Variants in SNAP91 observed in about 807,000 individuals in gnomAD.
SNAP91 encodes the protein clathrin coat assembly protein AP180.
In SNAP91, 27 loss-of-function variants were observed where a neutral mutation model predicts 100.3. The ratio of observed to expected loss-of-function variants is 0.27; its 90% CI spans 0.20 to 0.37. The LOEUF is 0.37. Among genes scored for constraint, SNAP91 ranks in the 10% least tolerant of loss-of-function variants. The pLI, the probability that SNAP91 is intolerant of heterozygous loss-of-function variation, is 1.00. For missense variants in SNAP91, 986 were observed against 1,123.7 expected, an observed-to-expected ratio of 0.88 and a Z score of 1.75; for synonymous variants, 404 against 398.6, an observed-to-expected ratio of 1.01 and a Z score of -0.16.
intron 7 of SNAP91, among the ~76,000 whole-genome samples, chr6:83,652,749 C>A (rs934052072): frequency 1.3e-5 from 2 of 152,136 alleles, no homozygotes; most frequent in African/African-American, 4.8e-5. Context: ...CTTCTCCCTA[C>A]AAAACTTCTT....
intron 8 of SNAP91, among the ~76,000 whole-genome samples, chr6:83,625,616 G>A (rs1003203558): frequency 1.3e-5 from 2 of 151,940 alleles, no homozygotes; most frequent in Non-Finnish European, 2.9e-5. Flanking sequence ...GTTTTGATTC[G>A]CATTTCTCTG....
intron 2 of SNAP91, among the ~76,000 whole-genome samples, chr6:83,706,022 GAAATCAT>G (rs2099375751): frequency 6.6e-6 from 1 of 151,996 alleles, no homozygotes; most frequent in Admixed American, 6.6e-5. Flanking sequence ...CCACATCTTA[GAAATCAT>G]ATTGGAAAAC....
chr6:83,567,995 C>T (rs7754172), intron 26 of SNAP91, among the ~76,000 whole-genome samples: 6 of 150,706 alleles, frequency 4.0e-5, no homozygotes, highest in Non-Finnish European at 8.9e-5. Flanking sequence ...CCATTACTGG[C>T]TATATACCCA....
intron 3 of SNAP91, 73 bp from the exon 4 acceptor site, chr6:83,662,495 ATTT>A: frequency 6.7e-6 from 3 of 445,166 alleles, no homozygotes; most frequent in South Asian, 1.2e-4. Context: ...CACTAAAGCG[ATTT>A]TTTTTTTTAA....
chr6:83,576,208 G>C (rs1020493899), intron 24 of SNAP91, among the ~76,000 whole-genome samples, 155 bp from the exon 25 acceptor site: 5 of 152,090 alleles, frequency 3.3e-5, no homozygotes, highest in African/African-American at 9.7e-5. Flanking sequence ...ACTATATTAG[G>C]AAATATTTTC....
intron 14 of SNAP91, among the ~76,000 whole-genome samples, chr6:83,604,937 G>A (rs1374503799): frequency 6.6e-6 from 1 of 152,112 alleles, no homozygotes; most frequent in Non-Finnish European, 1.5e-5. Flanking sequence ...TACAAGGCAT[G>A]TCTTAAACTT....
At chr6:83,655,226 C>T (rs924314019) in intron 7 of SNAP91, among the ~76,000 whole-genome samples, 4 of 152,138 alleles carry the variant, frequency 2.6e-5, no homozygotes, top group African/African-American at 4.8e-5. Flanking sequence ...AAATTTTGTA[C>T]CTTGCACTCT....
At chr6:83,664,189 C>T (rs974756918) in intron 3 of SNAP91, among the ~76,000 whole-genome samples, 1 of 152,062 alleles carries the variant, frequency 6.6e-6, no homozygotes, top group Non-Finnish European at 1.5e-5. Flanking sequence ...AAGAGATGCA[C>T]GTTGTTTTCA....
intron 11 of SNAP91, among the ~76,000 whole-genome samples, chr6:83,611,210 C>G (rs375294219): frequency 4.6e-5 from 7 of 152,136 alleles, no homozygotes; most frequent in African/African-American, 1.7e-4. Context: ...GTTTTCCCCC[C>G]CCATGGCTGT....
intron 2 of SNAP91, among the ~76,000 whole-genome samples, chr6:83,674,623 C>T (rs1221518647): frequency 1.3e-5 from 2 of 152,128 alleles, no homozygotes; most frequent in East Asian, 3.9e-4. Flanking sequence ...TCCTCAAAAT[C>T]TCAAGGCTTC....
intron 2 of SNAP91, among the ~76,000 whole-genome samples, chr6:83,683,157 C>A (rs1340026307): frequency 6.6e-6 from 1 of 152,064 alleles, no homozygotes; most frequent in Non-Finnish European, 1.5e-5. Flanking sequence ...TTTTTCTTAT[C>A]TCTGTCTTTC....
intron 2 of SNAP91, among the ~76,000 whole-genome samples, chr6:83,698,940 T>C (rs1453586649): frequency 6.6e-6 from 1 of 152,242 alleles, no homozygotes; most frequent in Non-Finnish European, 1.5e-5. Context: ...ACTTTTCCTA[T>C]GAAATGATTT....
intron 9 of SNAP91, among the ~76,000 whole-genome samples, chr6:83,622,060 T>C (rs1370855491): frequency 6.6e-6 from 1 of 152,122 alleles, no homozygotes; most frequent in Admixed American, 6.5e-5. Flanking sequence ...TGGCACTTTA[T>C]GCACACTTAA....
At chr6:83,701,044 A>G (rs2099295461) in intron 2 of SNAP91, among the ~76,000 whole-genome samples, 1 of 152,236 alleles carries the variant, frequency 6.6e-6, no homozygotes, top group Non-Finnish European at 1.5e-5. Flanking sequence ...ATTCAAAGAC[A>G]TAGAATATTT....
chr6:83,580,433 AAAAC>A lies in SNAP91; in HGVS notation c.2299+13_2299+16del. On this transcript the variant is annotated intron_variant, in intron 24 of 29. Transcript: ENST00000369694. ...ATGCTTCAGTTAAAGAAAAAAAAAA[AAAAC>A]TAGATTACTCACTGCCTACTAAGCT... is the stretch of plus-strand genomic sequence containing the variant. The A allele has an allele frequency of 3.2e-6, 5 of 1,573,942 alleles. No homozygotes were observed. Among genetic ancestry groups the A allele is most frequent in the South Asian group, 1.2e-5 (1 of 83,862 alleles).
intron 2 of SNAP91, among the ~76,000 whole-genome samples, chr6:83,691,556 A>G (rs1392015765): frequency 6.6e-6 from 1 of 152,066 alleles, no homozygotes; most frequent in Non-Finnish European, 1.5e-5. Context: ...ATTGTTCCTC[A>G]ATGGCAATTT....
At chr6:83,562,739 G>A (rs868518576) in intron 26 of SNAP91, among the ~76,000 whole-genome samples, 3 of 152,156 alleles carry the variant, frequency 2.0e-5, no homozygotes, top group Non-Finnish European at 4.4e-5. Context: ...CTGCCTGCTT[G>A]CTGTAAACCT....
chr6:83,597,551 A>G (rs1368362690), intron 16 of SNAP91, among the ~76,000 whole-genome samples: 1 of 152,126 alleles, frequency 6.6e-6, no homozygotes, highest in African/African-American at 2.4e-5. Context: ...TTCTTCAATT[A>G]TGGACTCAGT....
In SNAP91 at chr6:83,592,521, G is replaced by A. The variant is rs767727844; in HGVS notation, c.1864C>T (p.Pro622Ser). Residue 622 changes from proline (P) to serine (S), a missense_variant, in exon 21 of 30, where the codon CCA (proline) becomes TCA (serine). Pro to Ser is a moderately conservative substitution (Grantham distance 74). This residue lies in a region of SNAP91 where 575 missense variants were observed against 579.9 expected (regional missense o/e 0.99). Coordinates refer to ENST00000369694, the MANE Select transcript of SNAP91 (RefSeq NM_001242792.2). ...DLLSVDAFAA[P>S]SPATTASPAK... Reference sequence around the variant, plus strand: ...GGCGAGGCAGTGGTTGCAGGAGATGGTGCTGCAAATGCATCCACTGCAGTG... The same window carrying A: ...GGCGAGGCAGTGGTTGCAGGAGATGATGCTGCAAATGCATCCACTGCAGTG... 2.4e-5 allele frequency: 39 copies of A among 1,609,126 alleles called. No individual in the cohort carries two copies. In the Admixed American group the frequency reaches 3.0e-4, roughly 12 times the overall value.
Sources: gnomAD v4.1 joint callset for allele counts (sites outside exome capture counted in the v4.1 genomes callset) on GRCh38, gnomAD v4.1.1 for gene constraint, gnomAD v4.1.1 regional missense constraint, MANE v1.5 for transcripts, NCBI Gene and HGNC (gene_info 2026-07-23, HGNC 2026-07-21) for gene names.